Variants in DEUP1 observed in about 807,000 individuals in gnomAD.
The protein encoded by DEUP1 is coiled-coil domain containing 67.
A neutral mutation model predicts 87.4 loss-of-function variants in DEUP1; 82 were observed. The ratio of observed to expected loss-of-function variants is 0.94; its 90% confidence interval spans 0.78 to 1.13. DEUP1 has a LOEUF of 1.13. Among genes scored for constraint, DEUP1 ranks in the 50% most tolerant of loss-of-function variants. The pLI is 0.00. For missense variants in DEUP1, 663 were observed against 681.5 expected, an observed-to-expected ratio of 0.97 and a Z score of 0.30; for synonymous variants, 214 against 222.7, an observed-to-expected ratio of 0.96 and a Z score of 0.35.
At chr11:93,398,989 C>T (rs1947029079) in intron 11 of DEUP1, among the ~76,000 whole-genome samples, 1 of 152,054 alleles carries the variant, frequency 6.6e-6, no homozygotes, top group African/African-American at 2.4e-5. Flanking sequence ...TCCCAAAGTG[C>T]TGGGATTACA....
intron 5 of DEUP1, among the ~76,000 whole-genome samples, chr11:93,368,623 G>C (rs116418179): frequency 0.025 from 3,782 of 152,234 alleles, 66 homozygotes; most frequent in South Asian, 0.075. Context: ...GACAGCACTA[G>C]GGAGATGGTG....
intron 13 of DEUP1, among the ~76,000 whole-genome samples, chr11:93,427,686 GC>G (rs1947967969): frequency 6.6e-6 from 1 of 150,964 alleles, no homozygotes; most frequent in Middle Eastern, 3.4e-3. Context: ...GAGTGAACAG[GC>G]AACCTACAAA....
At chr11:93,431,108 A>AG (rs1308910945) in intron 13 of DEUP1, among the ~76,000 whole-genome samples, 2 of 151,752 alleles carry the variant, frequency 1.3e-5, no homozygotes, top group Non-Finnish European at 2.9e-5. Context: ...AAAAAAAAAA[A>AG]AAAAAAAGAA....
intron 1 of DEUP1, among the ~76,000 whole-genome samples, chr11:93,331,550 T>C (rs890778953): frequency 6.6e-6 from 1 of 152,100 alleles, no homozygotes; most frequent in Admixed American, 6.6e-5. Context: ...AGAAAGAATG[T>C]ACTCAAATAA....
intron 12 of DEUP1, among the ~76,000 whole-genome samples, chr11:93,409,511 TTGTCCAACAA>T (rs1947375651): frequency 6.6e-6 from 1 of 152,194 alleles, no homozygotes; most frequent in Admixed American, 6.5e-5. Flanking sequence ...TACACTGTGA[TTGTCCAACAA>T]GGGATATTGT....
At chr11:93,377,817 G>A (rs1259965119) in intron 7 of DEUP1, among the ~76,000 whole-genome samples, 2 of 152,080 alleles carry the variant, frequency 1.3e-5, no homozygotes, top group Non-Finnish European at 2.9e-5. Flanking sequence ...AATTCTCTCA[G>A]CATTTGTTTG....
At chr11:93,373,642 T>TATATAC (rs1945882022) in intron 7 of DEUP1, among the ~76,000 whole-genome samples, 2 of 146,532 alleles carry the variant, frequency 1.4e-5, no homozygotes, top group South Asian at 2.1e-4. Flanking sequence ...TATATATATA[T>TATATAC]ATATATATAC....
At chr11:93,398,967 C>T (rs1387574208) in intron 11 of DEUP1, among the ~76,000 whole-genome samples, 1 of 152,138 alleles carries the variant, frequency 6.6e-6, no homozygotes, top group East Asian at 1.9e-4. Flanking sequence ...AAGTGATCCA[C>T]CAGCCTTGGC....
chr11:93,407,124 A>G (rs1815679304), intron 11 of DEUP1, among the ~76,000 whole-genome samples: 1 of 152,016 alleles, frequency 6.6e-6, no homozygotes, highest in Non-Finnish European at 1.5e-5. Context: ...AATTTAACCC[A>G]GTGATCCCAC....
intron 8 of DEUP1, among the ~76,000 whole-genome samples, 200 bp from the exon 9 acceptor site, chr11:93,388,820 A>G (rs537699770): frequency 1.3e-5 from 2 of 152,192 alleles, no homozygotes; most frequent in South Asian, 4.1e-4. Context: ...CCTTTCTTCC[A>G]TTGAAACCAT....
intron 7 of DEUP1, 122 bp from the exon 8 acceptor site, chr11:93,385,276 C>T: frequency 1.1e-6 from 1 of 879,960 alleles, no homozygotes; most frequent in Non-Finnish European, 1.8e-6. Flanking sequence ...ACAGAACAAG[C>T]AAAGGACTAA....
chr11:93,330,520 C>T (rs3133520), upstream of DEUP1: 45,991 of 152,294 alleles, frequency 0.3, 7,897 homozygotes, highest in East Asian at 0.59. Flanking sequence ...CCTGCCGCCG[C>T]CGCCGCGCCC....
At chr11:93,396,166 C>G in intron 10 of DEUP1, 73 bp from the exon 11 acceptor site, 1 of 937,898 alleles carries the variant, frequency 1.1e-6, no homozygotes, top group Middle Eastern at 3.0e-4. Flanking sequence ...TTTGTATTCA[C>G]AAGACAAAAT....
At chr11:93,356,481 A>G (rs1002804335) in intron 3 of DEUP1, among the ~76,000 whole-genome samples, 1 of 152,180 alleles carries the variant, frequency 6.6e-6, no homozygotes, top group Non-Finnish European at 1.5e-5. Context: ...TATAAGCCAA[A>G]TCCTTAGGAA....
chr11:93,354,827 G>T (rs1438661491), intron 2 of DEUP1, among the ~76,000 whole-genome samples: 1 of 152,154 alleles, frequency 6.6e-6, no homozygotes, highest in Non-Finnish European at 1.5e-5. Flanking sequence ...AATTCAAGTT[G>T]AGATTTTGGT....
chr11:93,338,021 G>A lies in DEUP1; in HGVS notation c.29+5733G>A, dbSNP rs112761690. Among the ~76,000 whole-genome samples, 1,053 of 152,222 alleles carry A rather than the reference G, an allele frequency of 6.9e-3. 9 individuals are homozygous for A. Among genetic ancestry groups the A allele is most frequent in the Non-Finnish European group, 0.013 (860 of 67,996 alleles). ...TGTATGGCACCTTGGAACCACCTGG[G>A]ACTTTGTGAGCCTCTAATCAGAGCA... On this transcript the variant is annotated intron_variant, in intron 2 of 13. Coordinates refer to ENST00000298050, the MANE Select transcript of DEUP1 (RefSeq NM_181645.4).
chr11:93,357,561 A>G (rs1944957432), intron 4 of DEUP1: 1 of 152,518 alleles, frequency 6.6e-6, no homozygotes, highest in Non-Finnish European at 1.5e-5. Flanking sequence ...TTATCCCTGT[A>G]TCTTCACACA....
chr11:93,406,644 A>G (rs886771239), intron 11 of DEUP1, among the ~76,000 whole-genome samples: 4 of 151,898 alleles, frequency 2.6e-5, no homozygotes, highest in Non-Finnish European at 5.9e-5. Context: ...AACTTTGTGT[A>G]TAAAATATAT....
chr11:93,335,679 T>G (rs1943724286), intron 2 of DEUP1, among the ~76,000 whole-genome samples: 1 of 152,260 alleles, frequency 6.6e-6, no homozygotes, highest in African/African-American at 2.4e-5. Context: ...GTTTTAATTC[T>G]ACTTTGCCTG....
Sources: gnomAD v4.1 joint callset for allele counts (sites outside exome capture counted in the v4.1 genomes callset) on GRCh38, gnomAD v4.1.1 for gene constraint, MANE v1.5 for transcripts, NCBI Gene and HGNC (gene_info 2026-07-23, HGNC 2026-07-21) for gene names.